The following VTI1A variants were observed in gnomAD, a reference collection of about 807,000 sequenced individuals.
The protein encoded by VTI1A is vesicle transport through interaction with t-SNAREs 1A, also known as vesicle transport through interaction with t-SNAREs homolog 1A.
Under a neutral mutation model 34.9 loss-of-function variants are expected in VTI1A, and 22 were observed. That is an observed-to-expected ratio of 0.63 (90% CI 0.45 to 0.90). The LOEUF (loss-of-function observed/expected upper bound fraction) is 0.90. VTI1A is among the 40% of genes least tolerant of loss of function. The pLI, the probability that VTI1A is intolerant of heterozygous loss-of-function variation, is 0.00. For missense variants in VTI1A, 268 were observed against 275.6 expected, an observed-to-expected ratio of 0.97 and a Z score of 0.20; for synonymous variants, 87 against 97.3, an observed-to-expected ratio of 0.89 and a Z score of 0.62.
intron 7 of VTI1A, among the ~76,000 whole-genome samples, chr10:112,798,900 T>G (rs956380922): frequency 6.6e-6 from 1 of 152,146 alleles, no homozygotes; most frequent in Non-Finnish European, 1.5e-5. Flanking sequence ...CATCCTCCCC[T>G]AGAGTCACCA....
intron 7 of VTI1A, among the ~76,000 whole-genome samples, chr10:112,791,372 G>A (rs898433406): frequency 5.3e-5 from 8 of 152,050 alleles, no homozygotes; most frequent in Non-Finnish European, 1.0e-4. Flanking sequence ...TCAGCAAAAG[G>A]CCAGAGGGGG....
intron 4 of VTI1A, among the ~76,000 whole-genome samples, chr10:112,528,282 T>C (rs2134226228): frequency 6.6e-6 from 1 of 152,304 alleles, no homozygotes; most frequent in Non-Finnish European, 1.5e-5. Flanking sequence ...CTATCTATTA[T>C]ACTATAATCT....
intron 5 of VTI1A, among the ~76,000 whole-genome samples, chr10:112,587,881 A>G (rs974352975): frequency 3.3e-5 from 5 of 150,634 alleles, no homozygotes; most frequent in Non-Finnish European, 1.5e-5. Flanking sequence ...GCCTTCTTAC[A>G]TTCTTAATGC....
In VTI1A at chr10:112,594,058, T is replaced by C. The variant is rs548255933; in HGVS notation, c.427+55728T>C. Among the ~76,000 whole-genome samples, 5 of 152,206 alleles carry C rather than the reference T, an allele frequency of 3.3e-5. No homozygotes were observed. The East Asian group carries it at 9.7e-4, about 29-fold the overall frequency. ...CCGAGCAGCTGGGACTACAGGAGCC[T>C]GCCACCATGCCCGGCTAATTTTTTT... On this transcript the variant is annotated intron_variant, in intron 5 of 7. Transcript: ENST00000393077.
chr10:112,814,704 G>A (rs1853447606), intron 7 of VTI1A, among the ~76,000 whole-genome samples: 2 of 152,278 alleles, frequency 1.3e-5, no homozygotes, highest in East Asian at 1.9e-4. Context: ...TGGAGCAAAT[G>A]TAACGTTTCC....
intron 5 of VTI1A, among the ~76,000 whole-genome samples, chr10:112,572,825 C>T (rs1353359814): frequency 4.4e-5 from 6 of 137,254 alleles, no homozygotes; most frequent in Non-Finnish European, 7.7e-5. Context: ...GGCGACAGAG[C>T]GAGACTCCGT....
intron 7 of VTI1A, among the ~76,000 whole-genome samples, chr10:112,673,179 G>A (rs1245316450): frequency 2.6e-5 from 4 of 152,026 alleles, no homozygotes; most frequent in Non-Finnish European, 4.4e-5. Flanking sequence ...AAATTCGCCA[G>A]GTGCAGTAGC....
At chr10:112,659,974 T>A (rs1440569279) in intron 5 of VTI1A, among the ~76,000 whole-genome samples, 3 of 152,230 alleles carry the variant, frequency 2.0e-5, no homozygotes, top group Non-Finnish European at 4.4e-5. Context: ...GCATTTAAAT[T>A]TCTATTGTTT....
At chr10:112,850,119 A>G in the VTI1A span, among the ~76,000 whole-genome samples, 3 of 152,162 alleles carry the variant, frequency 2.0e-5, no homozygotes, top group Non-Finnish European at 4.4e-5. Flanking sequence ...CCGTGAATAT[A>G]ATACCTTGCA....
At position 112,485,436 on chromosome 10, in the gene VTI1A, A is replaced by C. The variant is rs1484514170; in HGVS notation, c.264+20779A>C. 3 of 152,346 alleles carry C rather than the reference A, an allele frequency of 2.0e-5. No homozygotes were observed. In the East Asian group the frequency reaches 5.8e-4, roughly 29 times the overall value. The allele number at this position is 152,346 out of a possible 1,614,324, so 9.4% of individuals were successfully genotyped here. A position where few individuals can be genotyped will look rare whatever the true frequency, so the allele number is the denominator to read the frequency against. On this transcript the variant is annotated intron_variant, in intron 3 of 7. Coordinates refer to ENST00000393077, the MANE Select transcript of VTI1A (RefSeq NM_145206.4). Reference sequence around the variant, plus strand: ...ATGATTTGATGTTGTATTTTAGCAAACATTTCAATAACTTTTTGACATTTT... The same window carrying C: ...ATGATTTGATGTTGTATTTTAGCAACCATTTCAATAACTTTTTGACATTTT...
intron 7 of VTI1A, among the ~76,000 whole-genome samples, chr10:112,783,969 G>A (rs1443076204): frequency 1.3e-5 from 2 of 152,218 alleles, no homozygotes; most frequent in African/African-American, 4.8e-5. Context: ...CTGTGTCAGA[G>A]TGAAAGGAAA....
chr10:112,506,063 C>T (rs1849417788), intron 3 of VTI1A, among the ~76,000 whole-genome samples: 1 of 151,938 alleles, frequency 6.6e-6, no homozygotes. Context: ...GGAGAATGTT[C>T]TGAGAAATAT....
At position 112,581,391 on chromosome 10, in the gene VTI1A, T is replaced by G. The variant is rs73367024; in HGVS notation, c.427+43061T>G. On this transcript the variant is annotated intron_variant, in intron 5 of 7. Transcript: ENST00000393077. ...AATTATCTCTGTTACAAGGTCTGCT[T>G]AAATTACCAATTTGAGTATGTGGTC... is the stretch of plus-strand genomic sequence containing the variant. Among the ~76,000 whole-genome samples the G allele has an allele frequency of 3.3e-3, 510 of 152,366 alleles. 1 individual carries two copies. Among genetic ancestry groups the G allele is most frequent in the African/African-American group, 0.012 (491 of 41,584 alleles).
At chr10:112,517,136 G>T (rs994642216) in intron 3 of VTI1A, among the ~76,000 whole-genome samples, 1 of 152,018 alleles carries the variant, frequency 6.6e-6, no homozygotes, top group Admixed American at 6.6e-5. Context: ...CAATGAAGGA[G>T]ACTAAGAAGG....
At chr10:112,834,740 T>C in the VTI1A span, among the ~76,000 whole-genome samples, 2 of 152,192 alleles carry the variant, frequency 1.3e-5, no homozygotes, top group African/African-American at 2.4e-5. Flanking sequence ...CTCCCCTGGC[T>C]CTCTGAGGCC....
intron 5 of VTI1A, among the ~76,000 whole-genome samples, chr10:112,573,650 T>A (rs1386061377): frequency 1.3e-5 from 2 of 152,174 alleles, no homozygotes; most frequent in Non-Finnish European, 2.9e-5. Flanking sequence ...TTAGGAAAAT[T>A]ATTTGTCTCA....
intron 5 of VTI1A, among the ~76,000 whole-genome samples, chr10:112,619,527 G>A (rs1192238366): frequency 6.6e-6 from 1 of 152,174 alleles, no homozygotes; most frequent in East Asian, 1.9e-4. Context: ...AGGCCCCCAA[G>A]CGACAGGGCT....
At chr10:112,843,531 G>T in the VTI1A span, among the ~76,000 whole-genome samples, 3 of 152,340 alleles carry the variant, frequency 2.0e-5, no homozygotes, top group African/African-American at 7.2e-5. Flanking sequence ...TGATTGGAAA[G>T]TTCTCTAAAG....
intron 5 of VTI1A, among the ~76,000 whole-genome samples, chr10:112,630,468 C>T (rs1477812506): frequency 6.6e-6 from 1 of 152,094 alleles, no homozygotes; most frequent in Non-Finnish European, 1.5e-5. Flanking sequence ...AGATATTTAC[C>T]TATATCATTG....
Sources: allele counts gnomAD v4.1 joint callset (sites outside exome capture counted in the v4.1 genomes callset), GRCh38; gene constraint gnomAD v4.1.1; transcripts MANE v1.5; gene names NCBI Gene and HGNC (gene_info 2026-07-23, HGNC 2026-07-21).